TTC39B: variants seen among roughly 807,000 people sequenced by gnomAD.
TTC39B encodes the protein tetratricopeptide repeat protein 39B.
Under a neutral mutation model 96.6 loss-of-function variants are expected in TTC39B, and 92 were observed. The ratio of observed to expected loss-of-function variants is 0.95; its 90% confidence interval spans 0.80 to 1.13. TTC39B has a LOEUF of 1.13. Ranked by LOEUF, TTC39B falls within the 50% of genes most tolerant of loss-of-function variation. The pLI is 0.00. For synonymous variants in TTC39B, 367 were observed against 299.4 expected (o/e 1.23, Z -2.33); for missense variants, 955 against 809.3 (o/e 1.18, Z -2.18).
chr9:15,276,771 C>T (rs1279068688), intron 1 of TTC39B, among the ~76,000 whole-genome samples: 1 of 152,210 alleles, frequency 6.6e-6, no homozygotes, highest in Non-Finnish European at 1.5e-5. Context: ...CAATCCTCTA[C>T]TTCCTGTTGT....
At chr9:15,294,794 G>A (rs1013517328) in intron 1 of TTC39B, among the ~76,000 whole-genome samples, 1 of 152,230 alleles carries the variant, frequency 6.6e-6, no homozygotes, top group Non-Finnish European at 1.5e-5. Context: ...CACAATGCCT[G>A]TGAGCAGCCA....
At chr9:15,266,941 G>C (rs948457538) in intron 2 of TTC39B, among the ~76,000 whole-genome samples, 1 of 152,166 alleles carries the variant, frequency 6.6e-6, no homozygotes, top group East Asian at 1.9e-4. Context: ...ATAGCCTGGC[G>C]TGGTGGCGGG....
intron 2 of TTC39B, among the ~76,000 whole-genome samples, chr9:15,247,881 C>G (rs576607917): frequency 1.3e-5 from 2 of 151,636 alleles, no homozygotes; most frequent in African/African-American, 4.8e-5. Context: ...GCTCCCCCAA[C>G]CAACCTATGA....
At chr9:15,258,642 T>C (rs148950203) in intron 2 of TTC39B, among the ~76,000 whole-genome samples, 105 of 152,298 alleles carry the variant, frequency 6.9e-4, no homozygotes, top group African/African-American at 2.3e-3. Context: ...AGCTGAGCAT[T>C]GCTACCAGGG....
chr9:15,184,501 C>T (rs2118666613), intron 16 of TTC39B, among the ~76,000 whole-genome samples: 1 of 151,418 alleles, frequency 6.6e-6, no homozygotes, highest in East Asian at 1.9e-4. Context: ...CCTGTGCTGA[C>T]TATCTATATA....
intron 1 of TTC39B, among the ~76,000 whole-genome samples, chr9:15,289,180 T>C (rs1824089043): frequency 6.6e-6 from 1 of 152,180 alleles, no homozygotes; most frequent in Non-Finnish European, 1.5e-5. Flanking sequence ...CAAAAGGACA[T>C]TTACCAGTGT....
intron 10 of TTC39B, 53 bp downstream of exon 10, chr9:15,191,137 A>G (rs1586836250): frequency 6.0e-6 from 8 of 1,344,264 alleles, no homozygotes; most frequent in South Asian, 2.4e-5. Context: ...CTCATGTTCA[A>G]TAAATACTGT....
intron 1 of TTC39B, among the ~76,000 whole-genome samples, chr9:15,298,735 A>G (rs749766207): frequency 6.6e-6 from 1 of 152,134 alleles, no homozygotes; most frequent in African/African-American, 2.4e-5. Context: ...GACAACTCCC[A>G]TAATAAATCC....
chr9:15,186,120 G>T (rs183650891), intron 15 of TTC39B, among the ~76,000 whole-genome samples: 1 of 152,274 alleles, frequency 6.6e-6, no homozygotes, highest in East Asian at 1.9e-4. Flanking sequence ...ACAAGTTGCT[G>T]AGAAAGAATT....
intron 2 of TTC39B, among the ~76,000 whole-genome samples, chr9:15,242,104 G>C (rs1822070073): frequency 6.6e-6 from 1 of 152,030 alleles, no homozygotes; most frequent in Admixed American, 6.5e-5. Flanking sequence ...ACTTCATAAA[G>C]GCAGGATTGT....
At chr9:15,280,062 AT>A in intron 1 of TTC39B, among the ~76,000 whole-genome samples, 1 of 151,622 alleles carries the variant, frequency 6.6e-6, no homozygotes, top group East Asian at 1.9e-4. Flanking sequence ...AACCCGGCTA[AT>A]TTTTTTGTAT....
chr9:15,271,724 C>T (rs1399161078), intron 1 of TTC39B, among the ~76,000 whole-genome samples: 25 of 152,170 alleles, frequency 1.6e-4, no homozygotes, highest in Admixed American at 1.6e-3. Flanking sequence ...TAAGGTATTA[C>T]CCAGCTTTAT....
chr9:15,298,836 G>C (rs544877580), intron 1 of TTC39B, among the ~76,000 whole-genome samples: 1 of 152,184 alleles, frequency 6.6e-6, no homozygotes, highest in South Asian at 2.1e-4. Flanking sequence ...CACCTGTCCA[G>C]AGCACCACAG....
chr9:15,270,297 C>G (rs1011899429), intron 1 of TTC39B, among the ~76,000 whole-genome samples: 1 of 152,126 alleles, frequency 6.6e-6, no homozygotes, highest in Non-Finnish European at 1.5e-5. Flanking sequence ...CACAGGTTAT[C>G]ATGTGAGTAG....
At chr9:15,265,225 T>C (rs1823088245) in intron 2 of TTC39B, among the ~76,000 whole-genome samples, 1 of 152,154 alleles carries the variant, frequency 6.6e-6, no homozygotes. Flanking sequence ...CTGCTTGCAA[T>C]GCCTTCCTGA....
chr9:15,201,278 C>T (rs1455101115), intron 7 of TTC39B, among the ~76,000 whole-genome samples: 3 of 148,502 alleles, frequency 2.0e-5, no homozygotes, highest in Non-Finnish European at 3.0e-5. Context: ...AAAAAACAAA[C>T]ATATCTCATT....
At chr9:15,278,770 C>G (rs1292796781) in intron 1 of TTC39B, among the ~76,000 whole-genome samples, 1 of 152,216 alleles carries the variant, frequency 6.6e-6, no homozygotes, top group African/African-American at 2.4e-5. Flanking sequence ...GTTGAATACT[C>G]ACGTGCTTAT....
chr9:15,277,680 G>A (rs1823597974), intron 1 of TTC39B, among the ~76,000 whole-genome samples: 1 of 152,188 alleles, frequency 6.6e-6, no homozygotes, highest in Admixed American at 6.5e-5. Flanking sequence ...GGCTGGCACA[G>A]ATACCATCCC....
chr9:15,217,580 TTC>T (rs1436978145), intron 3 of TTC39B, among the ~76,000 whole-genome samples: 1 of 152,174 alleles, frequency 6.6e-6, no homozygotes, highest in Non-Finnish European at 1.5e-5. Flanking sequence ...TGGCCAAGAC[TTC>T]TGTCAAGTAT....
Sources: gnomAD v4.1 joint callset for allele counts (sites outside exome capture counted in the v4.1 genomes callset) on GRCh38, gnomAD v4.1.1 for gene constraint, MANE v1.5 for transcripts, NCBI Gene and HGNC (gene_info 2026-07-23, HGNC 2026-07-21) for gene names.